Variants in LRRC38 observed in about 807,000 individuals in gnomAD.
LRRC38 encodes leucine-rich repeat-containing protein 38.
Under a neutral mutation model 16.4 loss-of-function variants are expected in LRRC38, and 5 were observed. That is an observed-to-expected ratio of 0.31 (90% confidence interval 0.16 to 0.64). LRRC38 has a LOEUF of 0.64. Among genes scored for constraint, LRRC38 ranks in the 30% least tolerant of loss-of-function variants. The probability of loss-of-function intolerance (pLI) is 0.80; values close to 1 mark genes in which losing one functional copy is unlikely to be tolerated. For synonymous variants in LRRC38, 191 were observed against 190.2 expected (o/e 1.00, Z -0.04); for missense variants, 341 against 401.8 (o/e 0.85, Z 1.29).
intron 1 of LRRC38, among the ~76,000 whole-genome samples, chr1:13,504,325 C>A (rs1569936005): frequency 6.6e-6 from 1 of 152,148 alleles, no homozygotes; most frequent in South Asian, 2.1e-4. Flanking sequence ...CCGGGGGTGG[C>A]CTGCCCAGCC....
At chr1:13,482,191 A>C (rs1399988255) in intron 1 of LRRC38, among the ~76,000 whole-genome samples, 1 of 152,110 alleles carries the variant, frequency 6.6e-6, no homozygotes, top group Non-Finnish European at 1.5e-5. Flanking sequence ...GAAGAGAGAG[A>C]GACAGAGAGA....
At chr1:13,500,193 T>TGCAGGGAGCCGAGATC (rs1639130162) in intron 1 of LRRC38, among the ~76,000 whole-genome samples, 1 of 149,912 alleles carries the variant, frequency 6.7e-6, no homozygotes, top group Admixed American at 6.7e-5. Flanking sequence ...AGGCAGAGAT[T>TGCAGGGAGCCGAGATC]GCAGTGAGCC....
chr1:13,484,146 G>A (rs1638903969), intron 1 of LRRC38, among the ~76,000 whole-genome samples: 1 of 152,070 alleles, frequency 6.6e-6, no homozygotes, highest in East Asian at 1.9e-4. Flanking sequence ...GCCCCGCGCA[G>A]GCCACCGTCA....
In LRRC38 at chr1:13,475,641, C is replaced by T. The variant is rs1638776962; in HGVS notation, c.*205G>A. ...ATGCTCCAGGAATAATTCCCTCCAT[C>T]CTTCCTGGGCTTCTGTGCTCTGCTG... On this transcript the variant is annotated 3_prime_UTR_variant, in exon 2 of 2. Coordinates refer to ENST00000376085, the MANE Select transcript of LRRC38 (RefSeq NM_001010847.2). This position sits in a 1 kb window ranked among gnomAD's most constrained non-coding sequence, Gnocchi z 4.3. The T allele has an allele frequency of 1.6e-6, 1 of 610,452 alleles. No individual in the cohort carries two copies. The allele number at this position is 610,452 out of a possible 1,614,324, so 37.8% of individuals were successfully genotyped here.
At chr1:13,499,387 C>T (rs1639120580) in intron 1 of LRRC38, among the ~76,000 whole-genome samples, 2 of 152,190 alleles carry the variant, frequency 1.3e-5, no homozygotes, top group Admixed American at 6.5e-5. Flanking sequence ...GCATGAGCCA[C>T]CGCACCTGGC....
intron 1 of LRRC38, among the ~76,000 whole-genome samples, chr1:13,484,494 C>T (rs1447832392): frequency 6.6e-6 from 1 of 152,186 alleles, no homozygotes; most frequent in African/African-American, 2.4e-5. Context: ...CCTGTGGCCA[C>T]AAAGGGGTTC....
chr1:13,513,218 A>G lies in LRRC38; in HGVS notation c.376T>C (p.Ser126Pro). ...LTQLGAGAFR[S>P]AGRLVKLSLA... is the part of the protein sequence containing the mutation. ...CTAAGCTTCACCAGCCTCCCGGCCGAGCGGAAGGCGCCGGCGCCCAGCTGG... is the reference window on the plus strand; with the variant it reads ...CTAAGCTTCACCAGCCTCCCGGCCGGGCGGAAGGCGCCGGCGCCCAGCTGG... Residue 126 changes from serine to proline, a missense_variant, in exon 1 of 2, where the codon TCG becomes CCG. Physicochemically the swap from Ser to Pro is moderately conservative, Grantham distance 74. Transcript: ENST00000376085. The G allele has an allele frequency of 6.5e-7, 1 of 1,550,290 alleles. No homozygotes were observed. The highest frequency in any genetic ancestry group is 8.7e-7 in the Non-Finnish European group (1 of 1,146,938).
intron 1 of LRRC38, among the ~76,000 whole-genome samples, chr1:13,481,805 C>T (rs1265664296): frequency 3.5e-5 from 5 of 143,488 alleles, no homozygotes; most frequent in African/African-American, 8.4e-5. Context: ...CTCTCTCTCT[C>T]TCTCTCTCTC....
chr1:13,485,048 C>CGGACAG, intron 1 of LRRC38, among the ~76,000 whole-genome samples: 2 of 151,558 alleles, frequency 1.3e-5, no homozygotes, highest in South Asian at 4.2e-4. Flanking sequence ...GAGGCTGAGG[C>CGGACAG]AGGGGGATCG....
intron 1 of LRRC38, among the ~76,000 whole-genome samples, chr1:13,512,743 A>G (rs1639287810): frequency 6.6e-6 from 1 of 152,188 alleles, no homozygotes; most frequent in South Asian, 2.1e-4. Context: ...TTACTGGAGA[A>G]ACAGGGGAAG....
chr1:13,488,438 A>C (rs549253828), intron 1 of LRRC38, among the ~76,000 whole-genome samples: 1 of 152,012 alleles, frequency 6.6e-6, no homozygotes, highest in East Asian at 1.9e-4. Flanking sequence ...TGCCTGGCTA[A>C]TTTTTGTATT....
At chr1:13,481,809 C>T (rs1421557059) in intron 1 of LRRC38, among the ~76,000 whole-genome samples, 1 of 147,240 alleles carries the variant, frequency 6.8e-6, no homozygotes, top group Admixed American at 6.8e-5. Context: ...CTCTCTCTCT[C>T]TCTCTCTCTC....
At chr1:13,480,208 G>A (rs1323865308) in intron 1 of LRRC38, among the ~76,000 whole-genome samples, 1 of 152,250 alleles carries the variant, frequency 6.6e-6, no homozygotes, top group Non-Finnish European at 1.5e-5. Flanking sequence ...AGCTGGGCAT[G>A]GTGGCGCATG....
chr1:13,484,125 G>A (rs1383450883), intron 1 of LRRC38, among the ~76,000 whole-genome samples: 2 of 152,032 alleles, frequency 1.3e-5, no homozygotes, highest in African/African-American at 2.4e-5. Flanking sequence ...CTTGCTTGCC[G>A]TTCCTCAAAC....
chr1:13,503,254 TATTTA>T (rs1343731902), intron 1 of LRRC38, among the ~76,000 whole-genome samples: 7 of 137,946 alleles, frequency 5.1e-5, no homozygotes, highest in African/African-American at 2.5e-4. Flanking sequence ...ATTGTTTATT[TATTTA>T]TTTTGTTTTT....
chr1:13,485,936 GTTCT>G (rs940271234), intron 1 of LRRC38, among the ~76,000 whole-genome samples: 1 of 152,086 alleles, frequency 6.6e-6, no homozygotes, highest in Non-Finnish European at 1.5e-5. Flanking sequence ...GCTTCTGGTG[GTTCT>G]TTCTTTTTTT....
At position 13,513,079 on chromosome 1, in the gene LRRC38, A is replaced by G. The variant is rs1309241541; in HGVS notation, c.515T>C (p.Leu172Pro). ...GGAGCGCAGCGCGGGCAGCGCGGCC[A>G]GGGCGGCCACGCTGAGGCTGCGCAG... ...NNLRSLSVAA[L>P]AALPALRSLR... Residue 172 changes from leucine (L) to proline (P), a missense_variant, in exon 1 of 2, where the codon CTG (leucine) becomes CCG (proline). Leu to Pro is a moderately conservative substitution (Grantham distance 98, BLOSUM62 -3). Coordinates refer to ENST00000376085, the MANE Select transcript of LRRC38 (RefSeq NM_001010847.2). 6 of 1,549,872 alleles carry G rather than the reference A, an allele frequency of 3.9e-6. No individual in the cohort carries two copies. The highest frequency in any genetic ancestry group is 5.2e-6 in the Non-Finnish European group (6 of 1,146,696).
intron 1 of LRRC38, among the ~76,000 whole-genome samples, chr1:13,490,030 C>T (rs1638989199): frequency 6.6e-6 from 1 of 152,176 alleles, no homozygotes; most frequent in South Asian, 2.1e-4. Flanking sequence ...TCCCACCCCT[C>T]ATCTTAAAAC....
rs1270662302 is a variant in LRRC38, at chr1:13,513,709, C to T, written c.-116G>A. 3.4e-6 allele frequency: 2 copies of T among 594,050 alleles called. No individual in the cohort carries two copies. 36.8% of individuals were successfully genotyped at this position (594,050 alleles called of 1,614,324 possible). On this transcript the variant is annotated 5_prime_UTR_variant, in exon 1 of 2. Coordinates refer to ENST00000376085, the MANE Select transcript of LRRC38 (RefSeq NM_001010847.2). ...GGGCGCGGGGAGCCAGAGGGCGGCC[C>T]GGGCGGGGAGGGCGTGCGCCCGGGC...
Sources: gnomAD v4.1 joint callset for allele counts (sites outside exome capture counted in the v4.1 genomes callset) on GRCh38, gnomAD v4.1.1 for gene constraint, Gnocchi (gnomAD v3.1) non-coding constraint, MANE v1.5 for transcripts, NCBI Gene and HGNC (gene_info 2026-07-23, HGNC 2026-07-21) for gene names.